SHANK1: variants seen among roughly 807,000 people sequenced by gnomAD.
The protein encoded by SHANK1 is SH3 and multiple ankyrin repeat domains 1, also known as SH3 and multiple ankyrin repeat domains protein 1.
In SHANK1, 35 loss-of-function variants were observed where a neutral mutation model predicts 165.6. The ratio of observed to expected loss-of-function variants is 0.21; its 90% confidence interval spans 0.16 to 0.28. SHANK1 has a LOEUF of 0.28. SHANK1 is among the 10% of genes least tolerant of loss of function. SHANK1 has a pLI of 1.00. For missense variants in SHANK1, 2,681 were observed against 3,036.4 expected (o/e 0.88, Z 2.75); for synonymous variants, 1,428 against 1,384.8 (o/e 1.03, Z -0.69).
chr19:50,697,922 G>A lies in SHANK1; in HGVS notation c.1782C>T (p.Gly594=). The A allele has an allele frequency of 6.2e-7, 1 of 1,613,992 alleles. No homozygotes were observed. The highest frequency in any genetic ancestry group is 8.5e-7 in the Non-Finnish European group (1 of 1,179,944). The stretch of plus-strand genomic sequence containing the variant: ...ACCAGCCAACACGACCTTTGACCTG[G>A]CCTTCCCAGAAGCCTCCTTCCCCGA... ...LSIGEGGFWE[G]QVKGRVGWFP... is the part of the protein sequence containing the mutation. Residue 594 remains glycine (G), a synonymous_variant, in exon 13 of 24, where the codon GGC becomes GGT. Coordinates refer to ENST00000293441, the MANE Select transcript of SHANK1 (RefSeq NM_016148.5). The surrounding 1 kb of genome is among the most constrained non-coding windows in gnomAD (Gnocchi z 4.7).
chr19:50,681,823 G>A (rs984783932), intron 21 of SHANK1, among the ~76,000 whole-genome samples: 1 of 152,072 alleles, frequency 6.6e-6, no homozygotes, highest in Non-Finnish European at 1.5e-5. Flanking sequence ...CCAGGCTGGA[G>A]CTCAGTGGCG....
intron 8 of SHANK1, among the ~76,000 whole-genome samples, chr19:50,707,007 A>G (rs938103395): frequency 1.3e-5 from 2 of 152,038 alleles, no homozygotes; most frequent in African/African-American, 2.4e-5. Flanking sequence ...CGAACTCCCA[A>G]CCTCAGGTGA....
At chr19:50,676,894 G>A (rs1405274719) in intron 21 of SHANK1, among the ~76,000 whole-genome samples, 1 of 152,160 alleles carries the variant, frequency 6.6e-6, no homozygotes, top group African/African-American at 2.4e-5. Context: ...ATGTCTTGGA[G>A]GTAACTCAAG....
chr19:50,696,047 C>G (rs961884556), intron 15 of SHANK1, among the ~76,000 whole-genome samples: 1 of 152,038 alleles, frequency 6.6e-6, no homozygotes, highest in Non-Finnish European at 1.5e-5. Context: ...GAAGCTGAGA[C>G]GCACCACACA....
chr19:50,662,076 A>G lies in SHANK1; in HGVS notation c.6375T>C (p.Asp2125=), dbSNP rs1312135681. 7.4e-6 allele frequency: 12 copies of G among 1,614,148 alleles called. No homozygotes were observed. The East Asian group carries it at 8.9e-5, about 12-fold the overall frequency. ...HRAQFLDHEI[D]GSHLPALTKE... is the part of the protein sequence containing the mutation. ...TGGTCAAGGCGGGCAGGTGGGAGCC[A>G]TCGATCTCGTGGTCCAGGAACTGGG... Residue 2125 remains aspartate, a synonymous_variant, in exon 24 of 24, where the codon GAT becomes GAC. Transcript: ENST00000293441. This position sits in a 1 kb window ranked among gnomAD's most constrained non-coding sequence, Gnocchi z 7.7.
At chr19:50,669,625 G>T (rs909079977) in intron 22 of SHANK1, among the ~76,000 whole-genome samples, 1 of 152,182 alleles carries the variant, frequency 6.6e-6, no homozygotes, top group Admixed American at 6.5e-5. Flanking sequence ...CTGGAGCTGG[G>T]AAGGGATAGT....
At chr19:50,675,744 T>C (rs571493469) in intron 21 of SHANK1, among the ~76,000 whole-genome samples, 2 of 152,188 alleles carry the variant, frequency 1.3e-5, no homozygotes, top group South Asian at 2.1e-4. Context: ...GCTCACACCT[T>C]TAATCCCAAC....
rs1221526848 is a variant in SHANK1, at chr19:50,692,694, C to T, written c.1965-3415G>A. Among the ~76,000 whole-genome samples, 4 of 151,696 alleles carry T rather than the reference C, an allele frequency of 2.6e-5. No individual in the cohort carries two copies. The East Asian group carries it at 7.7e-4, about 29-fold the overall frequency. On this transcript the variant is annotated intron_variant, in intron 15 of 23. Coordinates refer to ENST00000293441, the MANE Select transcript of SHANK1 (RefSeq NM_016148.5). ...AACTTCCCAACTGCTCTCTTGCTCC[C>T]ACAGCTCCATGTACCTCTAAACTCC... is the stretch of plus-strand genomic sequence containing the variant.
At chr19:50,709,910 T>C (rs182016104) in intron 8 of SHANK1, among the ~76,000 whole-genome samples, 1 of 152,242 alleles carries the variant, frequency 6.6e-6, no homozygotes, top group Non-Finnish European at 1.5e-5. Context: ...GTCTCTCGAC[T>C]GGACCCTGAC....
Position 50,703,501 on chromosome 19 carries a change from T to A in SHANK1, c.1552A>T (p.Ser518Cys). Residue 518 changes from serine to cysteine, a missense_variant and splice_region_variant, in exon 11 of 24, where the codon AGC becomes TGC. Ser to Cys is a moderately radical substitution (Grantham distance 112, BLOSUM62 -1). Coordinates refer to ENST00000293441, the MANE Select transcript of SHANK1 (RefSeq NM_016148.5). ...TGGAGCCAGGGCTGCCTCCCCTACC[T>A]GGGCCGGCCTCGGGGCTGCCTCTTG... ...DAKRQPRGRP[S>C]SSGTPREGPA... is the part of the protein sequence containing the mutation. 6.5e-7 allele frequency: 1 copy of A among 1,538,060 alleles called. No homozygotes were observed. The highest frequency in any genetic ancestry group is 8.7e-7 in the Non-Finnish European group (1 of 1,147,804).
intron 23 of SHANK1, chr19:50,663,022 A>G (rs1206676371): frequency 8.8e-6 from 3 of 339,172 alleles, no homozygotes; most frequent in Non-Finnish European, 1.1e-5. Context: ...ACATGATTGC[A>G]TCTCAGTTTA....
Position 50,688,075 on chromosome 19 carries a change from C to A in SHANK1, c.2173-17G>T. On this transcript the variant is annotated splice_polypyrimidine_tract_variant and intron_variant, in intron 17 of 23. Coordinates refer to ENST00000293441, the MANE Select transcript of SHANK1 (RefSeq NM_016148.5). This position sits in a 1 kb window ranked among gnomAD's most constrained non-coding sequence, Gnocchi z 6.7. ...CCCGTTCACCTGTGGCACAGACACCCCCAGATCACACAGAGTAGACGAGGG... is the reference window on the plus strand; with the variant it reads ...CCCGTTCACCTGTGGCACAGACACCACCAGATCACACAGAGTAGACGAGGG... The A allele has an allele frequency of 6.2e-7, 1 of 1,613,772 alleles. No homozygotes were observed.
At chr19:50,680,498 G>C (rs1222837546) in intron 21 of SHANK1, among the ~76,000 whole-genome samples, 2 of 152,148 alleles carry the variant, frequency 1.3e-5, no homozygotes, top group African/African-American at 4.8e-5. Flanking sequence ...ATGGACAGCA[G>C]AGCCCTAGGA....
intron 21 of SHANK1, among the ~76,000 whole-genome samples, chr19:50,673,238 A>C (rs1985862167): frequency 6.6e-6 from 1 of 151,900 alleles, no homozygotes; most frequent in African/African-American, 2.4e-5. Context: ...ACACTCCCTG[A>C]AGGTTCCCCC....
chr19:50,662,633 G>A lies in SHANK1; in HGVS notation c.5818C>T (p.Leu1940=). 1 of 1,566,970 alleles carries A rather than the reference G, an allele frequency of 6.4e-7. No individual in the cohort carries two copies. The highest frequency in any genetic ancestry group is 2.4e-5 in the East Asian group (1 of 42,180). Residue 1940 remains leucine (L), a synonymous_variant, in exon 24 of 24, where the codon CTG becomes TTG. Transcript: ENST00000293441. The surrounding 1 kb of genome is among the most constrained non-coding windows in gnomAD (Gnocchi z 7.7). The part of the protein sequence containing the change: ...SSLLSKPVSS[L]FQNWPKPPLP... ...GGTGGTTTGGGCCAGTTCTGAAACA[G>A]GCTGCTGACAGGCTTGGAGAGGAGT...
intron 8 of SHANK1, among the ~76,000 whole-genome samples, chr19:50,710,594 C>A (rs1411988964): frequency 6.6e-6 from 1 of 152,176 alleles, no homozygotes. Flanking sequence ...CTGCCACGAG[C>A]CCCCCTGCCT....
chr19:50,661,626 G>A lies in SHANK1; in HGVS notation c.*339C>T, dbSNP rs551358433. On this transcript the variant is annotated 3_prime_UTR_variant, in exon 24 of 24. Coordinates refer to ENST00000293441, the MANE Select transcript of SHANK1 (RefSeq NM_016148.5). ...CCTGGGGGACAGTCCCCATCCAATC[G>A]GGCTCAGGGCTGACCCTCTATGGCT... is the stretch of plus-strand genomic sequence containing the variant. 1.8e-4 allele frequency among the ~76,000 whole-genome samples: 28 copies of A among 152,056 alleles called. No individual in the cohort carries two copies. The highest frequency in any genetic ancestry group is 5.1e-4 in the African/African-American group (21 of 41,476).
chr19:50,676,230 G>A (rs956139501), intron 21 of SHANK1, among the ~76,000 whole-genome samples: 1 of 150,676 alleles, frequency 6.6e-6, no homozygotes, highest in Admixed American at 6.6e-5. Flanking sequence ...TTGAGCCCAT[G>A]AGTTTGAGGC....
chr19:50,683,646 G>A (rs886120637), intron 21 of SHANK1, among the ~76,000 whole-genome samples: 2 of 152,060 alleles, frequency 1.3e-5, no homozygotes, highest in African/African-American at 4.8e-5. Context: ...CAAAGCACGT[G>A]GCACTAAACA....
Sources: gnomAD v4.1 joint callset for allele counts (sites outside exome capture counted in the v4.1 genomes callset) on GRCh38, gnomAD v4.1.1 for gene constraint, Gnocchi (gnomAD v3.1) non-coding constraint, MANE v1.5 for transcripts, NCBI Gene and HGNC (gene_info 2026-07-23, HGNC 2026-07-21) for gene names.